The following EPHA5 variants were observed in gnomAD, a reference collection of about 807,000 sequenced individuals.
EPHA5 encodes the protein ephrin type-A receptor 5.
A neutral mutation model predicts 105.0 loss-of-function variants in EPHA5; 60 were observed. That is an observed-to-expected ratio of 0.57 (90% CI 0.46 to 0.71). The LOEUF is 0.71. EPHA5 is among the 30% of genes least tolerant of loss of function. The pLI is 0.00. For missense variants in EPHA5, 1,218 were observed against 1,274.7 expected, an observed-to-expected ratio of 0.96 and a Z score of 0.68; for synonymous variants, 513 against 449.1, an observed-to-expected ratio of 1.14 and a Z score of -1.80.
intron 8 of EPHA5, chr4:65,377,024 G>A (rs200675919): frequency 5.3e-5 from 85 of 1,608,830 alleles, no homozygotes; most frequent in African/African-American, 2.3e-4. Context: ...GGGCAACAGC[G>A]CACAGGGAAG....
intron 3 of EPHA5, among the ~76,000 whole-genome samples, chr4:65,540,228 A>C (rs1736685458): frequency 1.3e-5 from 2 of 151,622 alleles, no homozygotes; most frequent in Non-Finnish European, 3.0e-5. Flanking sequence ...CCTGAATACT[A>C]TTTTGAAAAG....
At chr4:65,428,011 A>G (rs1724612550) in intron 5 of EPHA5, among the ~76,000 whole-genome samples, 1 of 152,102 alleles carries the variant, frequency 6.6e-6, no homozygotes, top group African/African-American at 2.4e-5. Context: ...TTATATATAC[A>G]TATATACACA....
At chr4:65,567,092 T>A (rs1360460175) in intron 3 of EPHA5, among the ~76,000 whole-genome samples, 1 of 151,714 alleles carries the variant, frequency 6.6e-6, no homozygotes, top group African/African-American at 2.4e-5. Flanking sequence ...AAATATTTAT[T>A]TCTGAAGTGC....
chr4:65,332,760 T>C (rs939447025), intron 15 of EPHA5, among the ~76,000 whole-genome samples: 1 of 151,872 alleles, frequency 6.6e-6, no homozygotes, highest in African/African-American at 2.4e-5. Flanking sequence ...TTAGATATAC[T>C]ACTCTTTGTT....
chr4:65,606,453 C>T (rs908813784), intron 2 of EPHA5, among the ~76,000 whole-genome samples: 6 of 151,942 alleles, frequency 3.9e-5, no homozygotes, highest in African/African-American at 1.5e-4. Context: ...CTCTGTAAAT[C>T]GTCAGAATTT....
chr4:65,344,931 C>T (rs1560432930), intron 14 of EPHA5, among the ~76,000 whole-genome samples: 1 of 152,208 alleles, frequency 6.6e-6, no homozygotes, highest in South Asian at 2.1e-4. Context: ...CAATTGGAGA[C>T]AGTGTGATGC....
At chr4:65,383,397 T>G (rs1369768835) in intron 8 of EPHA5, among the ~76,000 whole-genome samples, 1 of 151,802 alleles carries the variant, frequency 6.6e-6, no homozygotes, top group East Asian at 1.9e-4. Flanking sequence ...TTATGTTCAC[T>G]CCTAAAAATC....
chr4:65,382,762 T>C (rs1719684870), intron 8 of EPHA5, among the ~76,000 whole-genome samples: 1 of 151,690 alleles, frequency 6.6e-6, no homozygotes, highest in Non-Finnish European at 1.5e-5. Context: ...ACATCATTAT[T>C]TTTCAAAATC....
At chr4:65,443,638 C>A (rs1726222739) in intron 5 of EPHA5, among the ~76,000 whole-genome samples, 1 of 152,078 alleles carries the variant, frequency 6.6e-6, no homozygotes, top group Non-Finnish European at 1.5e-5. Flanking sequence ...AGGCTAGAAT[C>A]TCCTGTTGCT....
intron 3 of EPHA5, among the ~76,000 whole-genome samples, chr4:65,562,335 T>A (rs868048540): frequency 2.0e-5 from 3 of 152,216 alleles, no homozygotes; most frequent in Middle Eastern, 3.4e-3. Context: ...AAGGCCATGC[T>A]TCTCAATTGT....
Position 65,602,117 on chromosome 4 carries a change from C to T in EPHA5, c.434G>A (p.Gly145Glu), listed in dbSNP as rs2149440750. Residue 145 changes from glycine (G) to glutamate (E), a missense_variant, in exon 3 of 17, where the codon GGG becomes GAG. Physicochemically the swap from Gly to Glu is moderately conservative, Grantham distance 98. Coordinates refer to ENST00000613740, the MANE Select transcript of EPHA5 (RefSeq NM_001281766.3). ...RDCNSLPGGL[G>E]TCKETFNMYY... ...CATATTAAAGGTTTCCTTACAGGTC[C>T]CCAGTCCTCCAGGAAGGCTGTTGCA... is the stretch of plus-strand genomic sequence containing the variant. The T allele has an allele frequency of 1.9e-6, 3 of 1,614,016 alleles. No homozygotes were observed. The highest frequency in any genetic ancestry group is 2.5e-6 in the Non-Finnish European group (3 of 1,179,982).
chr4:65,423,722 G>T (rs1372593700), intron 5 of EPHA5, among the ~76,000 whole-genome samples: 1 of 147,010 alleles, frequency 6.8e-6, no homozygotes, highest in Non-Finnish European at 1.5e-5. Context: ...AAGACCAGAT[G>T]CTCTAGGCTC....
chr4:65,544,423 A>G (rs1737170378), intron 3 of EPHA5, among the ~76,000 whole-genome samples: 1 of 152,026 alleles, frequency 6.6e-6, no homozygotes, highest in South Asian at 2.1e-4. Flanking sequence ...ATACGATATG[A>G]ACAGACACTT....
chr4:65,355,580 AATACAAAACTAATAT>A (rs1318306866), intron 11 of EPHA5, among the ~76,000 whole-genome samples: 1 of 151,508 alleles, frequency 6.6e-6, no homozygotes, highest in East Asian at 1.9e-4. Context: ...TTCTTTCAAG[AATACAAAACTAATAT>A]ACCTCTCCCA....
Position 65,404,430 on chromosome 4 carries a change from A to T in EPHA5, c.1737T>A (p.Ser579=), listed in dbSNP as rs200246054. The part of the protein sequence containing the change: ...DQSQIPVIAV[S]VTVGVILLAV... ...CCAACAAAATGACTCCCACTGTCAC[A>T]GACACAGCAATTACAGGAATCTGGC... Residue 579 remains serine (S), a synonymous_variant, in exon 8 of 17, where the codon TCT becomes TCA. Coordinates refer to ENST00000613740, the MANE Select transcript of EPHA5 (RefSeq NM_001281766.3). 10 of 1,613,832 alleles carry T rather than the reference A, an allele frequency of 6.2e-6. No individual in the cohort carries two copies. In the African/African-American group the frequency reaches 1.1e-4, roughly 17 times the overall value.
At chr4:65,648,801 C>T (rs1168503289) in intron 1 of EPHA5, among the ~76,000 whole-genome samples, 1 of 152,172 alleles carries the variant, frequency 6.6e-6, no homozygotes, top group Non-Finnish European at 1.5e-5. Context: ...CCCAGATATA[C>T]AGCTGTCCAG....
chr4:65,409,443 T>C (rs1197336450), intron 7 of EPHA5, among the ~76,000 whole-genome samples: 1 of 152,100 alleles, frequency 6.6e-6, no homozygotes, highest in Non-Finnish European at 1.5e-5. Flanking sequence ...AAAATCATTA[T>C]ACATTTGCAT....
rs1276825455 is a variant in EPHA5 at position 65,495,532 on chromosome 4, C to G, written c.922G>C (p.Gly308Arg). Reference protein sequence around the residue: ...KNGTCQVCRPGFFKASPHIQS... With the variant: ...KNGTCQVCRPRFFKASPHIQS... ...ATGTGAGGTGAGGCTTTGAAGAACC[C>G]AGGTCTGCACACTGTCAAAAGAAAT... The change falls in exon 4 of 17, where the codon GGG becomes CGG. Residue 308 changes from glycine to arginine, a missense_variant. Around this residue, in one of 3 missense-constraint regions of EPHA5, gnomAD observed 971 missense variants for 1,013.5 expected, o/e 0.96. Transcript: ENST00000613740. 6.2e-7 allele frequency: 1 copy of G among 1,611,514 alleles called. No individual in the cohort carries two copies. The highest frequency in any genetic ancestry group is 1.1e-5 in the South Asian group (1 of 90,622).
At chr4:65,356,006 C>T (rs1004680507) in intron 11 of EPHA5, among the ~76,000 whole-genome samples, 1 of 151,410 alleles carries the variant, frequency 6.6e-6, no homozygotes, top group Non-Finnish European at 1.5e-5. Flanking sequence ...AGGGTTGTCA[C>T]ATTATAATAA....
Sources: gnomAD v4.1 joint callset for allele counts (sites outside exome capture counted in the v4.1 genomes callset) on GRCh38, gnomAD v4.1.1 for gene constraint, gnomAD v4.1.1 regional missense constraint, MANE v1.5 for transcripts, NCBI Gene and HGNC (gene_info 2026-07-23, HGNC 2026-07-21) for gene names.